CSMD3: variants seen among roughly 807,000 people sequenced by gnomAD.
The protein encoded by CSMD3 is CUB and sushi domain-containing protein 3.
In CSMD3, 177 loss-of-function variants were observed where a neutral mutation model predicts 435.2. That is an observed-to-expected ratio of 0.41 (90% CI 0.36 to 0.46). The LOEUF is 0.46. CSMD3 is among the 20% of genes least tolerant of loss of function. CSMD3 has a pLI of 0.34. For missense variants in CSMD3, 4,265 were observed against 4,504.6 expected, an observed-to-expected ratio of 0.95 and a Z score of 1.52; for synonymous variants, 1,656 against 1,520.5, an observed-to-expected ratio of 1.09 and a Z score of -2.07.
intron 5 of CSMD3, among the ~76,000 whole-genome samples, chr8:113,079,546 G>A (rs573984899): frequency 6.6e-6 from 1 of 152,006 alleles, no homozygotes; most frequent in African/African-American, 2.4e-5. Flanking sequence ...ATGAGTTTCA[G>A]GGATTTGGTG....
At chr8:113,258,888 A>T (rs1291284847) in intron 3 of CSMD3, among the ~76,000 whole-genome samples, 1 of 152,106 alleles carries the variant, frequency 6.6e-6, no homozygotes, top group Admixed American at 6.6e-5. Context: ...AGACCATAAG[A>T]AGTGGTAAGA....
intron 22 of CSMD3, among the ~76,000 whole-genome samples, chr8:112,598,820 A>C (rs1832021356): frequency 1.3e-5 from 2 of 152,220 alleles, no homozygotes; most frequent in Admixed American, 6.5e-5. Flanking sequence ...AGCCATATGT[A>C]GAAAGCTGAA....
intron 13 of CSMD3, among the ~76,000 whole-genome samples, chr8:112,782,134 T>A (rs2078404803): frequency 6.6e-6 from 1 of 152,050 alleles, no homozygotes; most frequent in Non-Finnish European, 1.5e-5. Context: ...TGAAAGATAT[T>A]CAAACAAAGA....
At chr8:112,628,411 TTGG>T (rs745993759) in intron 22 of CSMD3, among the ~76,000 whole-genome samples, 2 of 152,032 alleles carry the variant, frequency 1.3e-5, no homozygotes, top group African/African-American at 2.4e-5. Flanking sequence ...GGTTGGTTGG[TTGG>T]TTGGTTGGTT....
chr8:112,303,302 TCTCACCA>T (rs1405179029), intron 52 of CSMD3, among the ~76,000 whole-genome samples: 1 of 152,192 alleles, frequency 6.6e-6, no homozygotes, highest in Admixed American at 6.6e-5. Flanking sequence ...ATGCCTATAA[TCTCACCA>T]CTTTGGGAGG....
chr8:113,191,264 C>T (rs1246824450), intron 3 of CSMD3, among the ~76,000 whole-genome samples: 1 of 151,722 alleles, frequency 6.6e-6, no homozygotes, highest in African/African-American at 2.4e-5. Flanking sequence ...ATGCTGGATT[C>T]AGAGGGTAAA....
At chr8:112,384,910 T>C (rs1234077941) in intron 36 of CSMD3, among the ~76,000 whole-genome samples, 4 of 152,242 alleles carry the variant, frequency 2.6e-5, no homozygotes, top group Non-Finnish European at 4.4e-5. Flanking sequence ...GCATTCAGCT[T>C]TTTAAAAAAT....
At chr8:112,492,760 G>A in intron 30 of CSMD3, 77 bp from the exon 31 acceptor site, 1 of 1,169,506 alleles carries the variant, frequency 8.6e-7, no homozygotes, top group South Asian at 1.2e-5. Context: ...TTCTGCATCT[G>A]TGGATTCAGC....
chr8:113,309,664 G>A (rs1173058041), intron 2 of CSMD3: 2 of 152,098 alleles, frequency 1.3e-5, no homozygotes, highest in African/African-American at 4.8e-5. Flanking sequence ...CTATGACCTT[G>A]TGATAATTAC....
intron 3 of CSMD3, among the ~76,000 whole-genome samples, chr8:113,263,143 C>A (rs917520117): frequency 2.0e-5 from 3 of 151,912 alleles, no homozygotes; most frequent in Non-Finnish European, 2.9e-5. Flanking sequence ...AGCACACTGC[C>A]AGAGATCTCT....
intron 13 of CSMD3, among the ~76,000 whole-genome samples, chr8:112,722,681 T>G (rs2076884489): frequency 6.6e-6 from 1 of 152,194 alleles, no homozygotes; most frequent in African/African-American, 2.4e-5. Flanking sequence ...TATGCAAGTA[T>G]ACTTTTTCTT....
intron 65 of CSMD3, among the ~76,000 whole-genome samples, chr8:112,243,618 CA>C (rs1411535661): frequency 6.6e-6 from 1 of 151,916 alleles, no homozygotes; most frequent in African/African-American, 2.4e-5. Flanking sequence ...CTTTCCTGAC[CA>C]AAACTTTGGG....
At chr8:112,751,115 A>G (rs2077560259) in intron 13 of CSMD3, among the ~76,000 whole-genome samples, 1 of 152,072 alleles carries the variant, frequency 6.6e-6, no homozygotes, top group Non-Finnish European at 1.5e-5. Context: ...TACTAAAAAT[A>G]TTCTTTCTTT....
intron 27 of CSMD3, among the ~76,000 whole-genome samples, chr8:112,548,886 T>C (rs1245934635): frequency 6.6e-6 from 1 of 152,140 alleles, no homozygotes; most frequent in Non-Finnish European, 1.5e-5. Context: ...GGCAGAGTTA[T>C]TAAAGCTCTA....
chr8:112,771,177 G>A (rs927053396), intron 13 of CSMD3, among the ~76,000 whole-genome samples: 7 of 152,038 alleles, frequency 4.6e-5, no homozygotes, highest in Non-Finnish European at 7.4e-5. Context: ...CAAGGAGAAA[G>A]TCAAACATTC....
chr8:112,318,251 C>T (rs764663125), intron 47 of CSMD3, among the ~76,000 whole-genome samples: 2 of 152,066 alleles, frequency 1.3e-5, no homozygotes, highest in Non-Finnish European at 2.9e-5. Flanking sequence ...TTCCATCAAG[C>T]TTTCCCTACC....
intron 8 of CSMD3, among the ~76,000 whole-genome samples, chr8:112,951,319 C>T (rs1450892976): frequency 1.3e-5 from 2 of 151,650 alleles, no homozygotes; most frequent in African/African-American, 4.8e-5. Flanking sequence ...AATATGAGTG[C>T]TCTCTAAAAG....
chr8:112,368,057 T>C (rs1210610756), intron 38 of CSMD3, among the ~76,000 whole-genome samples: 2 of 152,154 alleles, frequency 1.3e-5, no homozygotes, highest in East Asian at 1.9e-4. Flanking sequence ...GGCCATCAAA[T>C]GGCAGCGTCA....
chr8:112,228,210 T>C (rs555032500), intron 70 of CSMD3, among the ~76,000 whole-genome samples: 16 of 152,306 alleles, frequency 1.1e-4, no homozygotes, highest in Admixed American at 8.5e-4. Flanking sequence ...GATCTACTAA[T>C]AATATGTACA....
Sources: gnomAD v4.1 joint callset for allele counts (sites outside exome capture counted in the v4.1 genomes callset) on GRCh38, gnomAD v4.1.1 for gene constraint, MANE v1.5 for transcripts, NCBI Gene and HGNC (gene_info 2026-07-23, HGNC 2026-07-21) for gene names.